FXYD6: variants seen among roughly 807,000 people sequenced by gnomAD.
FXYD6 encodes FXYD domain-containing ion transport regulator 6.
Under a neutral mutation model 16.7 loss-of-function variants are expected in FXYD6, and 7 were observed. The observed-to-expected ratio is 0.42, with a 90% CI of 0.24 to 0.79. The LOEUF (loss-of-function observed/expected upper bound fraction) is 0.79, where lower values mean the gene tolerates loss of function less well. Ranked by LOEUF, FXYD6 falls within the 30% of genes least tolerant of loss-of-function variation. FXYD6 has a pLI of 0.28. For synonymous variants in FXYD6, 49 were observed against 43.0 expected, an observed-to-expected ratio of 1.14 and a Z score of -0.54; for missense variants, 111 against 116.2, an observed-to-expected ratio of 0.95 and a Z score of 0.21.
At chr11:117,857,789 C>A (rs184623731) in intron 1 of FXYD6, among the ~76,000 whole-genome samples, 1 of 152,180 alleles carries the variant, frequency 6.6e-6, no homozygotes, top group East Asian at 1.9e-4. Flanking sequence ...CTGATCTATT[C>A]GTGCTAAGCA....
At position 117,870,965 on chromosome 11, in the gene FXYD6, C is replaced by A. The variant is rs2057122332; in HGVS notation, c.-6+5627G>T. ...TGAAAGGACGCTTCAGCATCATTAT[C>A]CCTTTACATCAAATCCATTCTAAGC... On this transcript the variant is annotated intron_variant, in intron 1 of 7. Coordinates refer to ENST00000526014, the MANE Select transcript of FXYD6 (RefSeq NM_022003.4). This position sits in a 1 kb window ranked among gnomAD's most constrained non-coding sequence, Gnocchi z 4.2. Among the ~76,000 whole-genome samples the A allele has an allele frequency of 6.6e-6, 1 of 152,164 alleles. No individual in the cohort carries two copies. The highest frequency in any genetic ancestry group is 1.5e-5 in the Non-Finnish European group (1 of 68,040).
intron 1 of FXYD6, among the ~76,000 whole-genome samples, chr11:117,845,728 A>C (rs557377381): frequency 6.6e-6 from 1 of 152,326 alleles, no homozygotes; most frequent in African/African-American, 2.4e-5. Context: ...ATTTTGAGGA[A>C]ACAGTTTTTT....
chr11:117,838,410 G>C, intron 7 of FXYD6, 133 bp from the exon 8 acceptor site: 2 of 675,042 alleles, frequency 3.0e-6, no homozygotes, highest in East Asian at 2.7e-5. Flanking sequence ...GCAGAGAAAG[G>C]AGACAAAGAC....
At position 117,854,205 on chromosome 11, in the gene FXYD6, TC is replaced by T. The variant is rs1346053066; in HGVS notation, c.-5-11425del. Among the ~76,000 whole-genome samples the T allele has an allele frequency of 2.6e-5, 4 of 152,032 alleles. No homozygotes were observed. The East Asian group carries it at 7.7e-4, about 29-fold the overall frequency. On this transcript the variant is annotated intron_variant, in intron 1 of 7. Transcript: ENST00000526014. ...GAAACAACACATTAAGGCCTTCAAA[TC>T]TTAGGGGCCATGGTGTGAATATTGG...
chr11:117,861,732 C>T (rs963163162), intron 1 of FXYD6, among the ~76,000 whole-genome samples: 2 of 152,220 alleles, frequency 1.3e-5, no homozygotes, highest in African/African-American at 4.8e-5. Context: ...TACTTCCTCC[C>T]CCTTCCCTTC....
At position 117,840,251 on chromosome 11, in the gene FXYD6, T is replaced by C. The variant is rs534230809; in HGVS notation, c.259+68A>G. On this transcript the variant is annotated intron_variant, in intron 6 of 7. Transcript: ENST00000526014. ...TGGCCATGCACCTGGCAACAGTCCC[T>C]TCCTGAGCCACAGAGGGGTCTCTCT... The C allele has an allele frequency of 1.9e-3, 3,003 of 1,607,604 alleles. 6 individuals carry two copies. Among genetic ancestry groups the C allele is most frequent in the Non-Finnish European group, 2.4e-3 (2,773 of 1,174,152 alleles).
intron 4 of FXYD6, 87 bp downstream of exon 4, chr11:117,841,704 G>C (rs552074446): frequency 6.6e-7 from 1 of 1,509,854 alleles, no homozygotes; most frequent in Admixed American, 1.7e-5. Context: ...CTCCAGGAGA[G>C]GGACCAACCA....
rs554794572 is a variant in FXYD6 at position 117,861,787 on chromosome 11, G to A, written c.-6+14805C>T. 1.5e-3 allele frequency among the ~76,000 whole-genome samples: 228 copies of A among 152,298 alleles called. 10 individuals carry two copies. In the South Asian group the frequency reaches 0.045, roughly 30 times the overall value. On this transcript the variant is annotated intron_variant, in intron 1 of 7. Coordinates refer to ENST00000526014, the MANE Select transcript of FXYD6 (RefSeq NM_022003.4). ...ACCACTGGAAGGCTCCAGGGTCCTC[G>A]TGTGGTCACAGGACGTGGAGGGTCC... is the stretch of plus-strand genomic sequence containing the variant.
At chr11:117,849,377 T>C (rs1474846646) in intron 1 of FXYD6, among the ~76,000 whole-genome samples, 1 of 152,228 alleles carries the variant, frequency 6.6e-6, no homozygotes, top group Non-Finnish European at 1.5e-5. Flanking sequence ...GATGTACAGA[T>C]GCCTTGAAAC....
Position 117,872,341 on chromosome 11 carries a change from G to A in FXYD6, c.-6+4251C>T, listed in dbSNP as rs972825128. ...GCTCTTCCTATGGAGGAAGAAAGTCGCAGGGCCTCCTGGTAGGATGTGGAC... is the reference window on the plus strand; with the variant it reads ...GCTCTTCCTATGGAGGAAGAAAGTCACAGGGCCTCCTGGTAGGATGTGGAC... On this transcript the variant is annotated intron_variant, in intron 1 of 7. Coordinates refer to ENST00000526014, the MANE Select transcript of FXYD6 (RefSeq NM_022003.4). The surrounding 1 kb of genome is among the most constrained non-coding windows in gnomAD (Gnocchi z 4.9). Among the ~76,000 whole-genome samples the A allele has an allele frequency of 1.3e-5, 2 of 152,150 alleles. No homozygotes were observed. Among genetic ancestry groups the A allele is most frequent in the Admixed American group, 1.3e-4 (2 of 15,280 alleles).
chr11:117,854,445 C>T (rs1323236033), intron 1 of FXYD6, among the ~76,000 whole-genome samples: 3 of 152,228 alleles, frequency 2.0e-5, no homozygotes, highest in African/African-American at 7.2e-5. Flanking sequence ...CCAACAATCA[C>T]CTCCATTGAT....
chr11:117,840,218 T>C, intron 6 of FXYD6, 101 bp downstream of exon 6: 1 of 1,509,026 alleles, frequency 6.6e-7, no homozygotes, highest in Non-Finnish European at 9.2e-7. Flanking sequence ...TGCGGGAGCA[T>C]GTCTGGCTGG....
intron 1 of FXYD6, among the ~76,000 whole-genome samples, chr11:117,868,418 C>T (rs1328140476): frequency 6.6e-6 from 1 of 152,178 alleles, no homozygotes; most frequent in Non-Finnish European, 1.5e-5. Flanking sequence ...AAACCCATCA[C>T]TCCAGTCTAA....
At chr11:117,861,031 C>T (rs911073853) in intron 1 of FXYD6, among the ~76,000 whole-genome samples, 1 of 152,204 alleles carries the variant, frequency 6.6e-6, no homozygotes, top group Admixed American at 6.5e-5. Flanking sequence ...CTCTGCCACT[C>T]AGTGGCTCTG....
chr11:117,864,415 AC>A (rs1414810804), intron 1 of FXYD6, among the ~76,000 whole-genome samples: 1 of 152,252 alleles, frequency 6.6e-6, no homozygotes, highest in Non-Finnish European at 1.5e-5. Flanking sequence ...GTAGACCCTT[AC>A]TTAACACCAC....
At position 117,842,688 on chromosome 11, in the gene FXYD6, T is replaced by C. The variant is rs760892361; in HGVS notation, c.58+31A>G. ...AGAGGGCTGGACAGGGTTGTCATCTTGTCACAGCCAGGTCCCAGAGGGGTA... is the reference window on the plus strand; with the variant it reads ...AGAGGGCTGGACAGGGTTGTCATCTCGTCACAGCCAGGTCCCAGAGGGGTA... On this transcript the variant is annotated intron_variant, in intron 2 of 7. Coordinates refer to ENST00000526014, the MANE Select transcript of FXYD6 (RefSeq NM_022003.4). 11 of 1,553,786 alleles carry C rather than the reference T, an allele frequency of 7.1e-6. No homozygotes were observed. In the East Asian group the frequency reaches 2.4e-4, roughly 34 times the overall value.
intron 6 of FXYD6, 24 bp downstream of exon 6, chr11:117,840,295 G>A (rs762999755): frequency 6.2e-7 from 1 of 1,614,096 alleles, no homozygotes; most frequent in Non-Finnish European, 8.5e-7. Context: ...TTTTCCACCT[G>A]GGCAGGTGGT....
intron 1 of FXYD6, among the ~76,000 whole-genome samples, chr11:117,861,185 T>C (rs185492926): frequency 1.3e-5 from 2 of 152,192 alleles, no homozygotes; most frequent in African/African-American, 4.8e-5. Context: ...GTGAATGACA[T>C]CCCCTTTTGG....
intron 1 of FXYD6, among the ~76,000 whole-genome samples, chr11:117,866,997 G>A (rs1414443770): frequency 1.3e-5 from 2 of 152,162 alleles, no homozygotes; most frequent in Non-Finnish European, 2.9e-5. Context: ...ACGTTTAAAT[G>A]TCACGGCATC....
Sources: allele counts gnomAD v4.1 joint callset (sites outside exome capture counted in the v4.1 genomes callset), GRCh38; gene constraint gnomAD v4.1.1; non-coding constraint Gnocchi (gnomAD v3.1); transcripts MANE v1.5; gene names NCBI Gene and HGNC (gene_info 2026-07-23, HGNC 2026-07-21).